AJAP1: variants seen among roughly 807,000 people sequenced by gnomAD.
The protein encoded by AJAP1 is adherens junction-associated protein 1.
In AJAP1, 5 loss-of-function variants were observed where a neutral mutation model predicts 35.0. The observed-to-expected ratio is 0.14, with a 90% CI of 0.07 to 0.30. The LOEUF is 0.30. AJAP1 is among the 10% of genes least tolerant of loss of function. The probability of loss-of-function intolerance (pLI) is 1.00; values close to 1 mark genes in which losing one functional copy is unlikely to be tolerated. For synonymous variants in AJAP1, 284 were observed against 249.3 expected (o/e 1.14, Z -1.31); for missense variants, 586 against 571.0 (o/e 1.03, Z -0.27).
intron 1 of AJAP1, among the ~76,000 whole-genome samples, chr1:4,684,070 G>A (rs997050148): frequency 1.3e-5 from 2 of 152,200 alleles, no homozygotes; most frequent in Non-Finnish European, 2.9e-5. Context: ...AAAAGGCTGA[G>A]CCCTTGGATC....
At chr1:4,772,670 C>A in intron 4 of AJAP1, 145 bp downstream of exon 4, 1 of 1,229,478 alleles carries the variant, frequency 8.1e-7, no homozygotes. Flanking sequence ...AGGCGGACAG[C>A]TAATTTGGCA....
At position 4,789,110 on chromosome 1, in the gene AJAP1, A is replaced by C. The variant is rs545152347; in HGVS notation, c.*6625A>C. On this transcript the variant is annotated 3_prime_UTR_variant, in exon 6 of 6. Coordinates refer to ENST00000378191, the MANE Select transcript of AJAP1 (RefSeq NM_018836.4). The surrounding 1 kb of genome is among the most constrained non-coding windows in gnomAD (Gnocchi z 4.4). ...GTCATATATAAGAGGCATAATATAAATTGGGCCAAGCTTGCCCATGTGGGA... is the reference window on the plus strand; with the variant it reads ...GTCATATATAAGAGGCATAATATAACTTGGGCCAAGCTTGCCCATGTGGGA... 4.6e-5 allele frequency: 7 copies of C among 152,356 alleles called. No individual in the cohort carries two copies. Among genetic ancestry groups the C allele is most frequent in the African/African-American group, 1.7e-4 (7 of 41,580 alleles). The allele number at this position is 152,356 out of a possible 1,614,324, so 9.4% of individuals were successfully genotyped here. A position where few individuals can be genotyped will look rare whatever the true frequency, so the allele number is the denominator to read the frequency against.
rs1481242278 is a variant in AJAP1, at chr1:4,789,030, A to G, written c.*6545A>G. ...TGAAGGATTCCCTGCTAAATGTTCT[A>G]AGAGTTACTGTACATAGAATCAAGA... On this transcript the variant is annotated 3_prime_UTR_variant, in exon 6 of 6. Coordinates refer to ENST00000378191, the MANE Select transcript of AJAP1 (RefSeq NM_018836.4). The surrounding 1 kb of genome is among the most constrained non-coding windows in gnomAD (Gnocchi z 4.4). The G allele has an allele frequency of 6.6e-6, 1 of 152,200 alleles. No individual in the cohort carries two copies. The highest frequency in any genetic ancestry group is 2.4e-5 in the African/African-American group (1 of 41,444). The allele number at this position is 152,200 out of a possible 1,614,324, so 9.4% of individuals were successfully genotyped here.
chr1:4,671,412 TAG>T (rs1639245972), intron 1 of AJAP1, among the ~76,000 whole-genome samples: 1 of 85,990 alleles, frequency 1.2e-5, no homozygotes, highest in East Asian at 6.2e-4. Flanking sequence ...CAGGAGGACA[TAG>T]GACATGATGC....
chr1:4,662,743 C>T (rs1313703532), intron 1 of AJAP1, among the ~76,000 whole-genome samples: 1 of 152,276 alleles, frequency 6.6e-6, no homozygotes, highest in East Asian at 1.9e-4. Context: ...AGAGAACTCC[C>T]TACACACAAG....
intron 1 of AJAP1, among the ~76,000 whole-genome samples, chr1:4,710,041 C>G (rs1489756644): frequency 6.6e-6 from 1 of 152,144 alleles, no homozygotes; most frequent in Non-Finnish European, 1.5e-5. Context: ...CTCTCCTACA[C>G]AGACACACAC....
At position 4,721,846 on chromosome 1, in the gene AJAP1, A is replaced by G. The variant is rs567042511; in HGVS notation, c.829+9147A>G. Among the ~76,000 whole-genome samples, 201 of 152,340 alleles carry G rather than the reference A, an allele frequency of 1.3e-3. 1 individual carries two copies. The highest frequency in any genetic ancestry group is 4.4e-3 in the African/African-American group (181 of 41,588). On this transcript the variant is annotated intron_variant, in intron 2 of 5. Coordinates refer to ENST00000378191, the MANE Select transcript of AJAP1 (RefSeq NM_018836.4). ...GAGAAAACATAATCTGTGTTTTAAA[A>G]GCTTGATATAGTGTCCTAACTGTGC...
chr1:4,685,355 C>T (rs1350393648), intron 1 of AJAP1, among the ~76,000 whole-genome samples: 1 of 152,218 alleles, frequency 6.6e-6, no homozygotes, highest in Non-Finnish European at 1.5e-5. Context: ...CCTGCATAGC[C>T]TCTCCACAGC....
Position 4,782,946 on chromosome 1 carries a change from G to A in AJAP1, c.*461G>A, listed in dbSNP as rs1044576659. The A allele has an allele frequency of 1.0e-5, 4 of 397,828 alleles. No individual in the cohort carries two copies. The highest frequency in any genetic ancestry group is 1.3e-4 in the South Asian group (1 of 7,664). The allele number at this position is 397,828 out of a possible 1,614,324, so 24.6% of individuals were successfully genotyped here. On this transcript the variant is annotated 3_prime_UTR_variant, in exon 6 of 6. Transcript: ENST00000378191. The surrounding 1 kb of genome is among the most constrained non-coding windows in gnomAD (Gnocchi z 5.3). The stretch of plus-strand genomic sequence containing the variant: ...GCAGAGCCGGGGCCCAGCGAATCAC[G>A]CAGAGAAATCTTACAGAAAACAGGG...
At chr1:4,669,891 C>T (rs1376067069) in intron 1 of AJAP1, among the ~76,000 whole-genome samples, 2 of 152,178 alleles carry the variant, frequency 1.3e-5, no homozygotes, top group African/African-American at 4.8e-5. Flanking sequence ...GTACAGGTGT[C>T]TGTTTCGGTC....
chr1:4,759,160 C>G (rs1170286828), intron 2 of AJAP1, among the ~76,000 whole-genome samples: 1 of 152,172 alleles, frequency 6.6e-6, no homozygotes, highest in Non-Finnish European at 1.5e-5. Context: ...ATCCCTTGCT[C>G]CTCCTTCTCG....
chr1:4,734,589 A>G lies in AJAP1; in HGVS notation c.829+21890A>G, dbSNP rs767466496. 6.1e-4 allele frequency among the ~76,000 whole-genome samples: 93 copies of G among 152,170 alleles called. No homozygotes were observed. Among genetic ancestry groups the G allele is most frequent in the Non-Finnish European group, 1.1e-3 (75 of 68,024 alleles). The stretch of plus-strand genomic sequence containing the variant: ...ATTTTACAAAGTAGGAAGTGGAGAC[A>G]GGGATTAAGGAGTCTGTCCAGGTCT... On this transcript the variant is annotated intron_variant, in intron 2 of 5. Coordinates refer to ENST00000378191, the MANE Select transcript of AJAP1 (RefSeq NM_018836.4). This position sits in a 1 kb window ranked among gnomAD's most constrained non-coding sequence, Gnocchi z 4.3.
At chr1:4,777,445 C>T (rs1641961650) in intron 5 of AJAP1, 1 of 152,226 alleles carries the variant, frequency 6.6e-6, no homozygotes, top group Admixed American at 6.5e-5. Context: ...ATGTGCACCC[C>T]AGATTCAGCC....
rs60846836 is a variant in AJAP1, at chr1:4,679,808, G to GGTGTGTGTGTGTGT, written c.29+24385_29+24398dup. 1.8e-3 allele frequency among the ~76,000 whole-genome samples: 257 copies of GGTGTGTGTGTGTGT among 142,406 alleles called. 3 individuals carry two copies. Among genetic ancestry groups the GGTGTGTGTGTGTGT allele is most frequent in the East Asian group, 8.1e-3 (39 of 4,820 alleles). The allele number at this position is 142,406 out of a possible 152,430, so 93.4% of individuals were successfully genotyped here. A position where few individuals can be genotyped will look rare whatever the true frequency, so the allele number is the denominator to read the frequency against. ...TTCTGCTTAGAAACAGAACCAATAG[G>GGTGTGTGTGTGTGT]GTGTGTGTGTGTGTGTGTGTGTGTG... On this transcript the variant is annotated intron_variant, in intron 1 of 5. Coordinates refer to ENST00000378191, the MANE Select transcript of AJAP1 (RefSeq NM_018836.4).
chr1:4,745,716 C>G lies in AJAP1; in HGVS notation c.830-24137C>G, dbSNP rs150564094. ...TGTGCATTTGGCTTTGAGTCAGAGT[C>G]AGCAGGTCACGTGGGGATGGTGGGT... On this transcript the variant is annotated intron_variant, in intron 2 of 5. Coordinates refer to ENST00000378191, the MANE Select transcript of AJAP1 (RefSeq NM_018836.4). Among the ~76,000 whole-genome samples, 642 of 152,310 alleles carry G rather than the reference C, an allele frequency of 4.2e-3. 6 individuals are homozygous for G. The highest frequency in any genetic ancestry group is 0.014 in the African/African-American group (584 of 41,572).
chr1:4,666,483 G>A (rs892717982), intron 1 of AJAP1, among the ~76,000 whole-genome samples: 1 of 152,102 alleles, frequency 6.6e-6, no homozygotes, highest in Non-Finnish European at 1.5e-5. Context: ...AGTGAGGGGT[G>A]CAGAGAGGGG....
At chr1:4,694,416 T>G (rs1248058352) in intron 1 of AJAP1, among the ~76,000 whole-genome samples, 1 of 152,210 alleles carries the variant, frequency 6.6e-6, no homozygotes, top group Admixed American at 6.5e-5. Context: ...TCACCATTCA[T>G]TCATTCAGTC....
intron 2 of AJAP1, among the ~76,000 whole-genome samples, chr1:4,744,541 C>T (rs1433866453): frequency 9.2e-5 from 14 of 151,998 alleles, no homozygotes; most frequent in African/African-American, 3.4e-4. Context: ...AGGGATGCAC[C>T]CATGCATGCT....
rs750849683 is a variant in AJAP1, at chr1:4,712,709, T to A, written c.829+10T>A. On this transcript the variant is annotated intron_variant, in intron 2 of 5. Transcript: ENST00000378191. ...CTGGGGGAGGCCTCAGGTACAGCCATCTCTCTTCTGGTTTGGGTTTGCTTG... is the reference window on the plus strand; with the variant it reads ...CTGGGGGAGGCCTCAGGTACAGCCAACTCTCTTCTGGTTTGGGTTTGCTTG... The A allele has an allele frequency of 1.3e-6, 2 of 1,504,694 alleles. No individual in the cohort carries two copies. Among genetic ancestry groups the A allele is most frequent in the Non-Finnish European group, 1.8e-6 (2 of 1,125,102 alleles). 93.2% of individuals were successfully genotyped at this position (1,504,694 alleles called of 1,614,324 possible).
Sources: allele counts gnomAD v4.1 joint callset (sites outside exome capture counted in the v4.1 genomes callset), GRCh38; gene constraint gnomAD v4.1.1; non-coding constraint Gnocchi (gnomAD v3.1); transcripts MANE v1.5; gene names NCBI Gene and HGNC (gene_info 2026-07-23, HGNC 2026-07-21).